POTEC: variants seen among roughly 807,000 people sequenced by gnomAD.
POTEC encodes ANKRD26-like family B member 2.
POTEC carries 35 observed loss-of-function variants against 62.0 expected under a neutral mutation model. The observed-to-expected ratio is 0.56, with a 90% confidence interval of 0.43 to 0.75. POTEC has a LOEUF of 0.75. POTEC is among the 30% of genes least tolerant of loss of function. POTEC has a pLI of 0.00. For synonymous variants in POTEC, 156 were observed against 221.5 expected, an observed-to-expected ratio of 0.70 and a Z score of 2.62; for missense variants, 472 against 655.9, an observed-to-expected ratio of 0.72 and a Z score of 3.06.
intron 6 of POTEC, among the ~76,000 whole-genome samples, chr18:14,525,730 C>A (rs139452056): frequency 0.21 from 31,329 of 150,852 alleles, 3,767 homozygotes; most frequent in East Asian, 0.47. Context: ...CACCTAAATA[C>A]AATCCTCTTG....
At chr18:14,531,272 G>C (rs900146334) in intron 5 of POTEC, among the ~76,000 whole-genome samples, 2 of 150,372 alleles carry the variant, frequency 1.3e-5, no homozygotes, top group African/African-American at 2.5e-5. Context: ...TGACCAATTT[G>C]TTGTGCTAAG....
intron 1 of POTEC, among the ~76,000 whole-genome samples, chr18:14,541,007 C>T (rs951880031): frequency 6.6e-6 from 1 of 152,162 alleles, no homozygotes; most frequent in Non-Finnish European, 1.5e-5. Flanking sequence ...TCTCCTGCCT[C>T]AGCCTCCTGA....
intron 9 of POTEC, among the ~76,000 whole-genome samples, chr18:14,515,287 C>T (rs1383314490): frequency 6.6e-6 from 1 of 152,148 alleles, no homozygotes; most frequent in Non-Finnish European, 1.5e-5. Context: ...CATCACATTA[C>T]CTGACTTCAA....
At chr18:14,528,343 G>C (rs1389668133) in intron 6 of POTEC, among the ~76,000 whole-genome samples, 1 of 151,948 alleles carries the variant, frequency 6.6e-6, no homozygotes, top group African/African-American at 2.4e-5. Flanking sequence ...AGTCTATTGG[G>C]ATATTTATTA....
intron 10 of POTEC, among the ~76,000 whole-genome samples, 170 bp downstream of exon 10, chr18:14,513,492 A>G (rs547375337): frequency 2.4e-3 from 369 of 152,090 alleles, no homozygotes; most frequent in Non-Finnish European, 4.5e-3. Context: ...ATGTACATAT[A>G]TAGATATATG....
intron 9 of POTEC, 102 bp from the exon 10 acceptor site, chr18:14,513,887 C>A: frequency 6.4e-7 from 1 of 1,574,630 alleles, no homozygotes; most frequent in Non-Finnish European, 8.6e-7. Context: ...TGCATATCTG[C>A]ACATTAATCC....
chr18:14,513,613 A>T (rs746745338), intron 10 of POTEC, 49 bp downstream of exon 10: 4 of 1,557,950 alleles, frequency 2.6e-6, no homozygotes, highest in Non-Finnish European at 3.5e-6. Context: ...AAAGCTTTTT[A>T]AAAATATATA....
chr18:14,516,593 G>T (rs1283195071), intron 9 of POTEC, among the ~76,000 whole-genome samples: 1 of 144,774 alleles, frequency 6.9e-6, no homozygotes, highest in Non-Finnish European at 1.5e-5. Context: ...CCTCCCAGCT[G>T]GTCTTTCTCT....
At chr18:14,533,655 T>G (rs1905604987) in intron 4 of POTEC, among the ~76,000 whole-genome samples, 1 of 152,196 alleles carries the variant, frequency 6.6e-6, no homozygotes, top group Non-Finnish European at 1.5e-5. Flanking sequence ...GAGTTTCAGT[T>G]AATGATGCCA....
intron 9 of POTEC, among the ~76,000 whole-genome samples, chr18:14,515,796 A>G (rs866483367): frequency 4.9e-4 from 75 of 151,790 alleles, no homozygotes; most frequent in African/African-American, 1.8e-3. Flanking sequence ...ATTAATGTCC[A>G]TAACCTACCA....
intron 6 of POTEC, among the ~76,000 whole-genome samples, chr18:14,529,533 T>C (rs1905429333): frequency 6.6e-6 from 1 of 152,178 alleles, no homozygotes; most frequent in East Asian, 1.9e-4. Flanking sequence ...CTAATACAGT[T>C]TGGATTATAC....
At chr18:14,537,524 G>A (rs1598481975) in intron 3 of POTEC, among the ~76,000 whole-genome samples, 2 of 151,366 alleles carry the variant, frequency 1.3e-5, no homozygotes, top group African/African-American at 4.8e-5. Context: ...AAAAAAGTTG[G>A]CAGGGAAAAA....
At chr18:14,535,742 A>G (rs1905691202) in intron 3 of POTEC, among the ~76,000 whole-genome samples, 1 of 152,074 alleles carries the variant, frequency 6.6e-6, no homozygotes, top group Non-Finnish European at 1.5e-5. Flanking sequence ...TACAATTCTG[A>G]GAAAACTCTG....
chr18:14,522,022 G>T (rs1229582693), intron 9 of POTEC, among the ~76,000 whole-genome samples: 2 of 152,012 alleles, frequency 1.3e-5, no homozygotes, highest in East Asian at 3.9e-4. Context: ...TCATTAAAAA[G>T]AAAAGAAAAT....
At chr18:14,539,254 A>C (rs1468992249) in intron 1 of POTEC, among the ~76,000 whole-genome samples, 3 of 151,900 alleles carry the variant, frequency 2.0e-5, no homozygotes, top group African/African-American at 7.3e-5. Context: ...GGATTTATGA[A>C]ACTATTTGTG....
chr18:14,533,974 G>A (rs954482635), intron 4 of POTEC, among the ~76,000 whole-genome samples: 1 of 146,470 alleles, frequency 6.8e-6, no homozygotes, highest in Non-Finnish European at 1.5e-5. Context: ...TGCACATTGT[G>A]CAGGTTAGTT....
intron 5 of POTEC, among the ~76,000 whole-genome samples, chr18:14,531,391 G>C (rs1445539629): frequency 6.6e-6 from 1 of 151,738 alleles, no homozygotes; most frequent in Non-Finnish European, 1.5e-5. Context: ...TTATATTGAT[G>C]TTCAATTCCA....
At chr18:14,532,211 C>T (rs954687183) in intron 5 of POTEC, among the ~76,000 whole-genome samples, 6 of 152,088 alleles carry the variant, frequency 3.9e-5, no homozygotes, top group South Asian at 2.1e-4. Context: ...AGACCAACAA[C>T]GGCCTGAAAG....
chr18:14,525,087 T>C (rs1910403389), intron 6 of POTEC, 104 bp from the exon 7 acceptor site: 2 of 1,507,130 alleles, frequency 1.3e-6, no homozygotes, highest in African/African-American at 1.4e-5. Context: ...TTTTATTTCA[T>C]AAATTGAGTG....
Sources: gnomAD v4.1 joint callset for allele counts (sites outside exome capture counted in the v4.1 genomes callset) on GRCh38, gnomAD v4.1.1 for gene constraint, MANE v1.5 for transcripts, NCBI Gene and HGNC (gene_info 2026-07-23, HGNC 2026-07-21) for gene names.